Variants in ASAH2 observed in about 807,000 individuals in gnomAD.
ASAH2 encodes the protein neutral ceramidase.
ASAH2 carries 58 observed loss-of-function variants against 82.9 expected under a neutral mutation model. The ratio of observed to expected loss-of-function variants is 0.70; its 90% CI spans 0.57 to 0.87. ASAH2 has a LOEUF of 0.87. Ranked by LOEUF, ASAH2 falls within the 40% of genes least tolerant of loss-of-function variation. The pLI, the probability that ASAH2 is intolerant of heterozygous loss-of-function variation, is 0.00. For missense variants in ASAH2, 779 were observed against 834.0 expected, an observed-to-expected ratio of 0.93 and a Z score of 0.81; for synonymous variants, 276 against 289.7, an observed-to-expected ratio of 0.95 and a Z score of 0.48.
chr10:50,206,056 G>A lies in ASAH2; in HGVS notation c.1456C>T (p.Gln486Ter). The A allele has an allele frequency of 1.2e-6, 2 of 1,612,586 alleles. No individual in the cohort carries two copies. The highest frequency in any genetic ancestry group is 2.2e-5 in the South Asian group (2 of 91,046). The change falls in exon 13 of 21, where the codon CAG (glutamine) becomes TAG (stop). Residue 486 changes from glutamine to a stop codon, truncating the protein, a stop_gained. Transcript: ENST00000682911. LOFTEE classifies it high-confidence loss of function. ...TCTTCAGATGGCTTTCCCAGGATCT[G>A]GTCCCGAATGGTGTCCCAAAATGGA... ...GDPFWDTIRDQILGKPSEEIK... is the reference protein window; with the variant it reads ...GDPFWDTIRD
chr10:50,211,359 C>T (rs1425636090), intron 10 of ASAH2, among the ~76,000 whole-genome samples: 1 of 152,136 alleles, frequency 6.6e-6, no homozygotes, highest in African/African-American at 2.4e-5. Flanking sequence ...CCTGTATCAA[C>T]TCCCCACAAA....
intron 4 of ASAH2, chr10:50,240,583 A>G (rs1160318072): frequency 4.3e-6 from 3 of 702,056 alleles, no homozygotes; most frequent in African/African-American, 3.5e-5. Context: ...TGGCATCTCA[A>G]GGCCCTCTGC....
At chr10:50,245,491 A>C in intron 2 of ASAH2, 37 bp from the exon 3 acceptor site, 1 of 1,558,510 alleles carries the variant, frequency 6.4e-7, no homozygotes, top group Non-Finnish European at 8.7e-7. Flanking sequence ...ACAACATTTC[A>C]GCCCTCTTAT....
intron 9 of ASAH2, among the ~76,000 whole-genome samples, chr10:50,214,472 C>A (rs564037849): frequency 4.6e-5 from 7 of 152,222 alleles, no homozygotes; most frequent in African/African-American, 1.7e-4. Context: ...TCAGATTGAA[C>A]AAGTTTGGGG....
In ASAH2 at chr10:50,234,418, T is replaced by A. The variant is rs1460956437; in HGVS notation, c.815+7A>T. ...GAAACGATTTCATTTTGACGATTCC[T>A]CCTCACCTTGCTCTCTCTGACTGCG... On this transcript the variant is annotated splice_region_variant and intron_variant, in intron 6 of 20. Coordinates refer to ENST00000682911, the MANE Select transcript of ASAH2 (RefSeq NM_019893.4). The A allele has an allele frequency of 6.2e-7, 1 of 1,612,866 alleles. No homozygotes were observed. Among genetic ancestry groups the A allele is most frequent in the Admixed American group, 1.7e-5 (1 of 59,950 alleles).
chr10:50,201,361 A>G (rs1845143191), intron 16 of ASAH2, among the ~76,000 whole-genome samples: 1 of 152,090 alleles, frequency 6.6e-6, no homozygotes, highest in South Asian at 2.1e-4. Context: ...CACTGTATGT[A>G]ATACATGCCC....
In ASAH2 at chr10:50,248,576, A is replaced by T. The variant is rs1846533381; in HGVS notation, c.35T>A (p.Phe12Tyr). 1 of 1,613,616 alleles carries T rather than the reference A, an allele frequency of 6.2e-7. No homozygotes were observed. Among genetic ancestry groups the T allele is most frequent in the South Asian group, 1.1e-5 (1 of 91,072 alleles). ...AKRTFSNLET[F>Y]LIFLLVMMSA... ...CATCATTACAAGGAGGAAAATCAGG[A>T]ATGTCTCCAAGTTAGAGAAGGTGCG... The change falls in exon 2 of 21, where the codon TTC becomes TAC. Residue 12 changes from phenylalanine to tyrosine, a missense_variant. Phe to Tyr is a conservative substitution (Grantham distance 22, BLOSUM62 3). This residue lies in a region of ASAH2 where 759 missense variants were observed against 755.2 expected (regional missense o/e 1.00). Transcript: ENST00000682911.
intron 16 of ASAH2, 95 bp downstream of exon 16, chr10:50,202,734 C>A: frequency 1.1e-6 from 1 of 883,360 alleles, no homozygotes; most frequent in Non-Finnish European, 1.9e-6. Flanking sequence ...CTCTCAGAAA[C>A]ATGACTGGGA....
At chr10:50,221,073 C>T (rs2574966) in intron 7 of ASAH2, among the ~76,000 whole-genome samples, 114,792 of 152,066 alleles carry the variant, frequency 0.75, 45,589 homozygotes, top group Non-Finnish European at 0.88. Context: ...CCTGACATGG[C>T]TATTTGCCCC....
At chr10:50,196,242 G>A (rs35121292) in intron 18 of ASAH2, among the ~76,000 whole-genome samples, 31,264 of 145,790 alleles carry the variant, frequency 0.21, 3,078 homozygotes, top group African/African-American at 0.43. Context: ...TAGCCAGTCC[G>A]ATAAGGATAA....
chr10:50,243,192 A>G lies in ASAH2; in HGVS notation c.510+10T>C, dbSNP rs756070203. The G allele has an allele frequency of 6.2e-7, 1 of 1,613,042 alleles. No individual in the cohort carries two copies. The highest frequency in any genetic ancestry group is 8.5e-7 in the Non-Finnish European group (1 of 1,179,592). On this transcript the variant is annotated intron_variant, in intron 4 of 20. Transcript: ENST00000682911. ...ATTTCTTCATTCATTTCTCCTCTCA[A>G]ATCACTTACCTCCAGCCTGAGCCTT... is the stretch of plus-strand genomic sequence containing the variant.
rs878931359 is a variant in ASAH2, at chr10:50,195,216, C to T, written c.2004+1557G>A. Among the ~76,000 whole-genome samples the T allele has an allele frequency of 7.5e-3, 1,140 of 151,330 alleles. 18 individuals are homozygous for T. Among genetic ancestry groups the T allele is most frequent in the African/African-American group, 0.027 (1,090 of 41,010 alleles). On this transcript the variant is annotated intron_variant, in intron 18 of 20. Transcript: ENST00000682911. ...TATAGCAAGAAAACAAATGACCCAA[C>T]TTGAAAATAAGAAAAGGACCTGAAT... is the stretch of plus-strand genomic sequence containing the variant.
Position 50,235,894 on chromosome 10 carries a change from G to T in ASAH2, c.681C>A (p.Ile227=). The change falls in exon 5 of 21, where the codon ATC becomes ATA. Residue 227 remains isoleucine, a synonymous_variant. Coordinates refer to ENST00000682911, the MANE Select transcript of ASAH2 (RefSeq NM_019893.4). ...NQTFQHMVTG[I]LKSIDIAHTN... Reference sequence around the variant, plus strand: ...TCTGGGGCTCTTTGCCTACCTTCAAGATACCAGTGACCATGTGCTGAAAAG... The same window carrying T: ...TCTGGGGCTCTTTGCCTACCTTCAATATACCAGTGACCATGTGCTGAAAAG... 1.9e-6 allele frequency: 3 copies of T among 1,613,188 alleles called. No individual in the cohort carries two copies. The highest frequency in any genetic ancestry group is 2.5e-6 in the Non-Finnish European group (3 of 1,179,314).
rs1043265725 is a variant in ASAH2, at chr10:50,219,015, G to C, written c.894-385C>G. ...GACATTTACTAAGGGTTACCTGTAT[G>C]CTAAGCACTGAATAAACTGTGGTTT... is the stretch of plus-strand genomic sequence containing the variant. On this transcript the variant is annotated intron_variant, in intron 7 of 20. Transcript: ENST00000682911. Among the ~76,000 whole-genome samples the C allele has an allele frequency of 7.2e-5, 11 of 152,288 alleles. No individual in the cohort carries two copies. The South Asian group carries it at 1.2e-3, about 17-fold the overall frequency.
chr10:50,199,103 G>A lies in ASAH2; in HGVS notation c.1805C>T (p.Thr602Ile). The A allele has an allele frequency of 6.2e-7, 1 of 1,613,386 alleles. No individual in the cohort carries two copies. Among genetic ancestry groups the A allele is most frequent in the Non-Finnish European group, 8.5e-7 (1 of 1,179,514 alleles). The change falls in exon 17 of 21, where the codon ACA (threonine) becomes ATA (isoleucine). Residue 602 changes from threonine (T) to isoleucine (I), a missense_variant. Transcript: ENST00000682911. ...EAASTIYGPH[T>I]LSAYIQLFRN... ...GAAGAGCTGAATGTAAGCAGATAAT[G>A]TGTGCGGTCCATAAATTGTCGATGC...
At chr10:50,230,298 C>T (rs2133222214) in intron 7 of ASAH2, among the ~76,000 whole-genome samples, 1 of 152,240 alleles carries the variant, frequency 6.6e-6, no homozygotes, top group East Asian at 1.9e-4. Flanking sequence ...TGATGCTGGG[C>T]AGGTCACATC....
At chr10:50,206,787 A>G (rs976298886) in intron 12 of ASAH2, among the ~76,000 whole-genome samples, 117 of 151,926 alleles carry the variant, frequency 7.7e-4, no homozygotes, top group African/African-American at 2.8e-3. Context: ...ACCCACTCTC[A>G]ATCATGGATA....
chr10:50,218,715 C>T (rs1845673273), intron 7 of ASAH2, 85 bp from the exon 8 acceptor site: 1 of 1,500,030 alleles, frequency 6.7e-7, no homozygotes, highest in South Asian at 1.1e-5. Flanking sequence ...TAAGTTTTCT[C>T]CAGCAGGAAA....
At chr10:50,227,993 C>T (rs1333162720) in intron 7 of ASAH2, among the ~76,000 whole-genome samples, 2 of 151,852 alleles carry the variant, frequency 1.3e-5, no homozygotes, top group South Asian at 2.1e-4. Flanking sequence ...CAACATGGAG[C>T]GGAACAAGAA....
Sources: gnomAD v4.1 joint callset for allele counts (sites outside exome capture counted in the v4.1 genomes callset) on GRCh38, gnomAD v4.1.1 for gene constraint, gnomAD v4.1.1 regional missense constraint, MANE v1.5 for transcripts, NCBI Gene and HGNC (gene_info 2026-07-23, HGNC 2026-07-21) for gene names.